Variants in SESN1 observed in about 807,000 individuals in gnomAD.
SESN1 encodes sestrin 1, also known as sestrin-1.
Under a neutral mutation model 59.3 loss-of-function variants are expected in SESN1, and 30 were observed. That is an observed-to-expected ratio of 0.51 (90% CI 0.38 to 0.69). The LOEUF is 0.69. Ranked by LOEUF, SESN1 falls within the 30% of genes least tolerant of loss-of-function variation. The pLI is 0.00. For synonymous variants in SESN1, 197 were observed against 219.9 expected, an observed-to-expected ratio of 0.90 and a Z score of 0.92; for missense variants, 566 against 673.0, an observed-to-expected ratio of 0.84 and a Z score of 1.76.
chr6:109,049,949 T>G (rs1780516509), intron 1 of SESN1, among the ~76,000 whole-genome samples: 1 of 152,076 alleles, frequency 6.6e-6, no homozygotes, highest in South Asian at 2.1e-4. Context: ...AGGCAACAGC[T>G]TTAAAAGAAA....
intron 1 of SESN1, among the ~76,000 whole-genome samples, chr6:109,086,732 T>G (rs1370315016): frequency 6.6e-6 from 1 of 151,576 alleles, no homozygotes; most frequent in Non-Finnish European, 1.5e-5. Context: ...TTGTACAAAA[T>G]ACTATATCCC....
At position 109,094,243 on chromosome 6, in the gene SESN1, A is replaced by T. The variant is rs1251618593; in HGVS notation, c.-170T>A. The T allele has an allele frequency of 3.0e-6, 2 of 670,150 alleles. No homozygotes were observed. Among genetic ancestry groups the T allele is most frequent in the African/African-American group, 3.6e-5 (2 of 55,014 alleles). The allele number at this position is 670,150 out of a possible 1,614,324, so 41.5% of individuals were successfully genotyped here. A position where few individuals can be genotyped will look rare whatever the true frequency, so the allele number is the denominator to read the frequency against. ...CCACTGGTGCCTTCAGCCGATCTAC[A>T]AGCTAGGTCACCCTCTCACCCTCTC... On this transcript the variant is annotated 5_prime_UTR_variant, in exon 1 of 10. Transcript: ENST00000436639.
chr6:109,087,293 T>C lies in SESN1; in HGVS notation c.279+6502A>G, dbSNP rs1781228935. Among the ~76,000 whole-genome samples the C allele has an allele frequency of 2.0e-5, 3 of 152,152 alleles. No homozygotes were observed. In the South Asian group the frequency reaches 6.2e-4, roughly 32 times the overall value. The stretch of plus-strand genomic sequence containing the variant: ...CTGAGTATAGATAGTACAGATATGA[T>C]TCCTCCTGTAAGTCAGAAAGTGAAA... On this transcript the variant is annotated intron_variant, in intron 1 of 9. Coordinates refer to ENST00000436639, the MANE Select transcript of SESN1 (RefSeq NM_014454.3).
At chr6:109,073,782 G>A (rs2114468618) in intron 1 of SESN1, among the ~76,000 whole-genome samples, 1 of 152,320 alleles carries the variant, frequency 6.6e-6, no homozygotes, top group South Asian at 2.1e-4. Context: ...ACAGTTTACT[G>A]AAGTTCTACT....
At position 109,014,539 on chromosome 6, in the gene SESN1, T is replaced by C. The variant is rs547618886; in HGVS notation, c.280-12196A>G. Reference sequence around the variant, plus strand: ...CAATTTTGATAACTGTGTATTCACCTAAGTTCTTGATTCTGGAGGCAAGAA... The same window carrying C: ...CAATTTTGATAACTGTGTATTCACCCAAGTTCTTGATTCTGGAGGCAAGAA... On this transcript the variant is annotated intron_variant, in intron 1 of 9. Coordinates refer to ENST00000436639, the MANE Select transcript of SESN1 (RefSeq NM_014454.3). 2.4e-3 allele frequency among the ~76,000 whole-genome samples: 362 copies of C among 152,368 alleles called. 1 individual carries two copies. Among genetic ancestry groups the C allele is most frequent in the African/African-American group, 8.3e-3 (345 of 41,590 alleles).
chr6:109,018,625 T>G (rs1779962058), intron 1 of SESN1, among the ~76,000 whole-genome samples: 1 of 152,212 alleles, frequency 6.6e-6, no homozygotes. Flanking sequence ...TATTGTACAT[T>G]TTGGTGCTTA....
chr6:109,009,610 C>T, intron 1 of SESN1: 1 of 1,016,262 alleles, frequency 9.8e-7, no homozygotes, highest in Non-Finnish European at 1.2e-6. Context: ...CCGCGCCCGT[C>T]ATTTCACCGC....
At position 109,094,234 on chromosome 6, in the gene SESN1, C is replaced by G. The variant is rs1490127754; in HGVS notation, c.-161G>C. ...CATTTGGAACCACTGGTGCCTTCAG[C>G]CGATCTACAAGCTAGGTCACCCTCT... On this transcript the variant is annotated 5_prime_UTR_variant, in exon 1 of 10. Transcript: ENST00000436639. 1 of 717,770 alleles carries G rather than the reference C, an allele frequency of 1.4e-6. No individual in the cohort carries two copies. Among genetic ancestry groups the G allele is most frequent in the South Asian group, 1.9e-5 (1 of 52,968 alleles). The allele number at this position is 717,770 out of a possible 1,614,324, so 44.5% of individuals were successfully genotyped here.
chr6:108,999,789 G>A (rs549944494), intron 4 of SESN1: 1 of 152,262 alleles, frequency 6.6e-6, no homozygotes, highest in Non-Finnish European at 1.5e-5. Flanking sequence ...CAAATGAGGT[G>A]AAAACTTTTG....
At chr6:109,064,173 G>C (rs1780777272) in intron 1 of SESN1, among the ~76,000 whole-genome samples, 1 of 152,048 alleles carries the variant, frequency 6.6e-6, no homozygotes, top group Non-Finnish European at 1.5e-5. Context: ...TCAACTTCTA[G>C]AATTTCCCCC....
chr6:109,040,764 C>T (rs542566407), intron 1 of SESN1, among the ~76,000 whole-genome samples: 69 of 151,816 alleles, frequency 4.5e-4, no homozygotes, highest in African/African-American at 1.4e-3. Flanking sequence ...GCGATTCTCC[C>T]GCCTCAGCCT....
chr6:109,046,801 T>C (rs1286960963), intron 1 of SESN1, among the ~76,000 whole-genome samples: 1 of 138,950 alleles, frequency 7.2e-6, no homozygotes, highest in Admixed American at 7.0e-5. Flanking sequence ...GAGGAGCGTC[T>C]CTGCCCGGCC....
At chr6:109,092,481 T>C (rs1340149845) in intron 1 of SESN1, among the ~76,000 whole-genome samples, 1 of 152,204 alleles carries the variant, frequency 6.6e-6, no homozygotes, top group East Asian at 1.9e-4. Flanking sequence ...CCCATTCTAA[T>C]ATGAATTAAG....
rs898501977 is a variant in SESN1, at chr6:108,992,868, T to C, written c.1152A>G (p.Val384=). 3 of 1,613,322 alleles carry C rather than the reference T, an allele frequency of 1.9e-6. No individual in the cohort carries two copies. Among genetic ancestry groups the C allele is most frequent in the East Asian group, 4.5e-5 (2 of 44,818 alleles). The change falls in exon 7 of 10, where the codon GTA becomes GTG. Residue 384 remains valine (V), a synonymous_variant. Transcript: ENST00000436639. ...DDEEVTPARA[V]SRHFEDTSYG... ...AACTAGTATCCTCAAAATGACGAGA[T>C]ACAGCTCTTGCTGGTGTAACTTCTT...
In SESN1 at chr6:108,986,106, A is replaced by G. The variant is rs1273221232; in HGVS notation, c.*1438T>C. Among the ~76,000 whole-genome samples, 1 of 152,222 alleles carries G rather than the reference A, an allele frequency of 6.6e-6. No homozygotes were observed. On this transcript the variant is annotated 3_prime_UTR_variant, in exon 10 of 10. Transcript: ENST00000436639. ...CATCACAACAGCTTCAGTTAAACTT[A>G]GAGCTATTTCTACTTGTCTGATGAG... is the stretch of plus-strand genomic sequence containing the variant.
At chr6:109,012,623 A>T (rs67869141) in intron 1 of SESN1, among the ~76,000 whole-genome samples, 7,048 of 152,272 alleles carry the variant, frequency 0.046, 299 homozygotes, top group African/African-American at 0.11. Flanking sequence ...GCTACAGCTT[A>T]GAGTATTAGT....
In SESN1 at chr6:109,031,498, C is replaced by T. The variant is rs6934247; in HGVS notation, c.280-29155G>A. On this transcript the variant is annotated intron_variant, in intron 1 of 9. Transcript: ENST00000436639. ...CTCCTCCCTCTGAGTTCAAGTCTTT[C>T]CCCTCTAATCATGGCCCACCCCTCA... Among the ~76,000 whole-genome samples the T allele has an allele frequency of 8.7e-3, 1,326 of 152,246 alleles. 25 individuals carry two copies. Among genetic ancestry groups the T allele is most frequent in the African/African-American group, 0.03 (1,257 of 41,534 alleles).
chr6:109,009,093 G>T, intron 1 of SESN1: 1 of 797,790 alleles, frequency 1.3e-6, no homozygotes, highest in Non-Finnish European at 1.7e-6. Flanking sequence ...CGCGGCCGCA[G>T]TCTCTCCCAG....
In SESN1 at chr6:109,000,563, T is replaced by C; in HGVS notation, c.657A>G (p.Lys219=). The C allele has an allele frequency of 1.9e-6, 3 of 1,612,152 alleles. No homozygotes were observed. The South Asian group carries it at 3.3e-5, about 18-fold the overall frequency. ...WLNGLENAPQ[K]LQNLGELNKV... The stretch of plus-strand genomic sequence containing the variant: ...TGTTAAGTTCTCCTAAATTCTGTAG[T>C]TTTTGAGGAGCATTCTCTAAACCAT... The change falls in exon 4 of 10, where the codon AAA becomes AAG. Residue 219 remains lysine, a synonymous_variant. Transcript: ENST00000436639.
Sources: gnomAD v4.1 joint callset for allele counts (sites outside exome capture counted in the v4.1 genomes callset) on GRCh38, gnomAD v4.1.1 for gene constraint, MANE v1.5 for transcripts, NCBI Gene and HGNC (gene_info 2026-07-23, HGNC 2026-07-21) for gene names.